Variants in NEMP2 observed in about 807,000 individuals in gnomAD.
NEMP2 encodes the protein UPF0571 transmembrane protein.
NEMP2 carries 53 observed loss-of-function variants against 54.2 expected under a neutral mutation model. The ratio of observed to expected loss-of-function variants is 0.98; its 90% confidence interval spans 0.78 to 1.23. The LOEUF (loss-of-function observed/expected upper bound fraction) is 1.23. Ranked by LOEUF, NEMP2 falls within the 50% of genes most tolerant of loss-of-function variation. The probability of loss-of-function intolerance (pLI) is 0.00; values close to 1 mark genes in which losing one functional copy is unlikely to be tolerated. For synonymous variants in NEMP2, 197 were observed against 190.3 expected, an observed-to-expected ratio of 1.04 and a Z score of -0.29; for missense variants, 455 against 511.3, an observed-to-expected ratio of 0.89 and a Z score of 1.06.
chr2:190,614,272 C>A, the NEMP2 span, among the ~76,000 whole-genome samples: 3 of 152,044 alleles, frequency 2.0e-5, no homozygotes, highest in East Asian at 1.9e-4. This position sits in a 1 kb window ranked among gnomAD's most constrained non-coding sequence, Gnocchi z 5.7. Flanking sequence ...TTAAAAAAAC[C>A]TTTTTTTCCA....
the NEMP2 span, among the ~76,000 whole-genome samples, chr2:190,494,327 AACTAAGTAGTGAGACTG>A: frequency 6.6e-6 from 1 of 151,980 alleles, no homozygotes; most frequent in African/African-American, 2.4e-5. This position sits in a 1 kb window ranked among gnomAD's most constrained non-coding sequence, Gnocchi z 5.7. Flanking sequence ...CTGAACAGAC[AACTAAGTAGTGAGACTG>A]AATCAGTAAT....
chr2:190,572,952 G>A, the NEMP2 span, among the ~76,000 whole-genome samples: 1 of 149,116 alleles, frequency 6.7e-6, no homozygotes, highest in Admixed American at 6.7e-5. Flanking sequence ...CAAAGGGTGT[G>A]TAAACATTTT....
chr2:190,645,769 C>G, the NEMP2 span, among the ~76,000 whole-genome samples: 75 of 152,280 alleles, frequency 4.9e-4, 1 homozygote, highest in Admixed American at 4.9e-3. Context: ...TTTTATTTTA[C>G]TATTTGCATT....
At chr2:190,544,980 G>A in the NEMP2 span, among the ~76,000 whole-genome samples, 1 of 150,200 alleles carries the variant, frequency 6.7e-6, no homozygotes, top group African/African-American at 2.5e-5. Context: ...GCACACACCT[G>A]TAGTCCCAGC....
the NEMP2 span, among the ~76,000 whole-genome samples, chr2:190,580,529 T>G: frequency 1.3e-5 from 2 of 152,192 alleles, no homozygotes; most frequent in African/African-American, 4.8e-5. This position sits in a 1 kb window ranked among gnomAD's most constrained non-coding sequence, Gnocchi z 5.3. Context: ...AAGAGGAAAC[T>G]GTAATCTTTT....
the NEMP2 span, among the ~76,000 whole-genome samples, chr2:190,449,033 G>T: frequency 6.6e-6 from 1 of 152,194 alleles, no homozygotes; most frequent in African/African-American, 2.4e-5. Context: ...TAAACATTGA[G>T]ATTTTGTGTC....
chr2:190,582,690 C>T, the NEMP2 span, among the ~76,000 whole-genome samples: 1 of 152,144 alleles, frequency 6.6e-6, no homozygotes, highest in Non-Finnish European at 1.5e-5. The surrounding 1 kb of genome is among the most constrained non-coding windows in gnomAD (Gnocchi z 4.6). Flanking sequence ...GCATCAGACT[C>T]TGTACGAGCA....
At chr2:190,498,962 A>G in the NEMP2 span, among the ~76,000 whole-genome samples, 7 of 151,962 alleles carry the variant, frequency 4.6e-5, no homozygotes, top group South Asian at 4.2e-4. The surrounding 1 kb of genome is among the most constrained non-coding windows in gnomAD (Gnocchi z 5.9). Flanking sequence ...AGCCTGGCCA[A>G]GATGGTGAAA....
At chr2:190,479,022 G>A in the NEMP2 span, among the ~76,000 whole-genome samples, 2 of 152,118 alleles carry the variant, frequency 1.3e-5, no homozygotes, top group Non-Finnish European at 2.9e-5. Flanking sequence ...GTAACTGCTG[G>A]TGGAGGATTC....
the NEMP2 span, among the ~76,000 whole-genome samples, chr2:190,573,930 T>C: frequency 2.6e-5 from 4 of 152,176 alleles, no homozygotes; most frequent in Admixed American, 6.5e-5. Flanking sequence ...CAGAATAAAT[T>C]TGAAATATTA....
In NEMP2 at chr2:190,523,460, T is replaced by C. The variant is rs1018516525; in HGVS notation, c.213+1803A>G. Among the ~76,000 whole-genome samples, 3 of 152,232 alleles carry C rather than the reference T, an allele frequency of 2.0e-5. No homozygotes were observed. The highest frequency in any genetic ancestry group is 4.4e-5 in the Non-Finnish European group (3 of 68,042). ...AAATACGAAAACTGGAAAACTAGCA[T>C]GAACCCTGTGGTATTGGAGATCTCA... is the stretch of plus-strand genomic sequence containing the variant. On this transcript the variant is annotated intron_variant, in intron 2 of 8. Transcript: ENST00000409150. This position sits in a 1 kb window ranked among gnomAD's most constrained non-coding sequence, Gnocchi z 5.3.
At chr2:190,496,681 T>G in the NEMP2 span, among the ~76,000 whole-genome samples, 1 of 151,882 alleles carries the variant, frequency 6.6e-6, no homozygotes, top group African/African-American at 2.4e-5. The surrounding 1 kb of genome is among the most constrained non-coding windows in gnomAD (Gnocchi z 4.7). Flanking sequence ...TGTGTGTGTA[T>G]ATACACACAC....
At position 190,504,550 on chromosome 2, in the gene NEMP2, G is replaced by C. The variant is rs1467995411; in HGVS notation, c.*4639C>G. The C allele has an allele frequency of 6.6e-6, 1 of 152,074 alleles. No individual in the cohort carries two copies. Among genetic ancestry groups the C allele is most frequent in the Non-Finnish European group, 1.5e-5 (1 of 68,014 alleles). 9.4% of individuals were successfully genotyped at this position (152,074 alleles called of 1,614,324 possible). A position where few individuals can be genotyped will look rare whatever the true frequency, so the allele number is the denominator to read the frequency against. ...CTTAAGTTGAAGAGGATGGAAAAAA[G>C]TGATGATGGTGACAATTCCATAAAG... On this transcript the variant is annotated 3_prime_UTR_variant, in exon 9 of 9. Coordinates refer to ENST00000409150, the MANE Select transcript of NEMP2 (RefSeq NM_001142645.2). The surrounding 1 kb of genome is among the most constrained non-coding windows in gnomAD (Gnocchi z 5.6).
At chr2:190,515,770 AAAC>A (rs1249073347) in intron 6 of NEMP2, among the ~76,000 whole-genome samples, 1 of 152,248 alleles carries the variant, frequency 6.6e-6, no homozygotes, top group East Asian at 1.9e-4. Context: ...TAGTTAAAAT[AAAC>A]AATAAAAACA....
chr2:190,423,043 C>T, the NEMP2 span, among the ~76,000 whole-genome samples: 1 of 152,152 alleles, frequency 6.6e-6, no homozygotes, highest in Non-Finnish European at 1.5e-5. This position sits in a 1 kb window ranked among gnomAD's most constrained non-coding sequence, Gnocchi z 4.3. Context: ...TTAAGGGTAA[C>T]CCCTATCCTA....
the NEMP2 span, among the ~76,000 whole-genome samples, chr2:190,637,784 G>A: frequency 1.3e-5 from 2 of 152,174 alleles, no homozygotes; most frequent in African/African-American, 2.4e-5. This position sits in a 1 kb window ranked among gnomAD's most constrained non-coding sequence, Gnocchi z 4.5. Flanking sequence ...TGTGTATTCC[G>A]CTTTCTAGAC....
At chr2:190,425,070 A>AT in the NEMP2 span, among the ~76,000 whole-genome samples, 527 of 152,252 alleles carry the variant, frequency 3.5e-3, 4 homozygotes, top group African/African-American at 0.011. The surrounding 1 kb of genome is among the most constrained non-coding windows in gnomAD (Gnocchi z 4.3). Context: ...CCTTGTACAC[A>AT]TTTTTTAAAT....
At chr2:190,561,724 A>G in the NEMP2 span, among the ~76,000 whole-genome samples, 5 of 152,178 alleles carry the variant, frequency 3.3e-5, no homozygotes, top group Admixed American at 6.5e-5. The surrounding 1 kb of genome is among the most constrained non-coding windows in gnomAD (Gnocchi z 5.4). Context: ...ATATATGTCT[A>G]TCTTTTTAAA....
chr2:190,473,668 CAGAA>C, the NEMP2 span, among the ~76,000 whole-genome samples: 1 of 152,184 alleles, frequency 6.6e-6, no homozygotes, highest in Non-Finnish European at 1.5e-5. Context: ...ATCAACGAGA[CAGAA>C]AGTCAGTAAG....
Sources: gnomAD v4.1 joint callset for allele counts (sites outside exome capture counted in the v4.1 genomes callset) on GRCh38, gnomAD v4.1.1 for gene constraint, Gnocchi (gnomAD v3.1) non-coding constraint, MANE v1.5 for transcripts, NCBI Gene and HGNC (gene_info 2026-07-23, HGNC 2026-07-21) for gene names.